Variants in INVS observed in about 807,000 individuals in gnomAD.
INVS encodes inversin, also known as inversion of embryo turning homolog.
In INVS, 86 loss-of-function variants were observed where a neutral mutation model predicts 108.8. The ratio of observed to expected loss-of-function variants is 0.79; its 90% CI spans 0.66 to 0.95. The LOEUF is 0.95. INVS is among the 40% of genes least tolerant of loss of function. The probability of loss-of-function intolerance (pLI) is 0.00; values close to 1 mark genes in which losing one functional copy is unlikely to be tolerated. For synonymous variants in INVS, 455 were observed against 473.5 expected, an observed-to-expected ratio of 0.96 and a Z score of 0.51; for missense variants, 1,169 against 1,297.4, an observed-to-expected ratio of 0.90 and a Z score of 1.52.
At position 100,292,175 on chromosome 9, in the gene INVS, G is replaced by A. The variant is rs1833638015; in HGVS notation, c.2069-151G>A. ...GGTTATCTAACCTACCATATTGCTG[G>A]AAATAGAAGTTAAACCGTTTTTTTC... On this transcript the variant is annotated intron_variant, in intron 13 of 16. Transcript: ENST00000262457. The A allele has an allele frequency of 5.1e-5, 38 of 739,356 alleles. No homozygotes were observed. The South Asian group carries it at 5.8e-4, about 11-fold the overall frequency. 45.8% of individuals were successfully genotyped at this position (739,356 alleles called of 1,614,324 possible).
intron 11 of INVS, 140 bp from the exon 12 acceptor site, chr9:100,272,724 A>C: frequency 2.6e-6 from 2 of 775,764 alleles, no homozygotes; most frequent in Non-Finnish European, 4.3e-6. Flanking sequence ...GCCCTGTTAT[A>C]GAGAAGGTGG....
chr9:100,188,567 G>C (rs1326647398), intron 3 of INVS, among the ~76,000 whole-genome samples: 1 of 151,000 alleles, frequency 6.6e-6, no homozygotes, highest in Non-Finnish European at 1.5e-5. Context: ...GTTGGATTCA[G>C]TTTGCTGGTA....
chr9:100,194,519 C>T (rs192177865), intron 3 of INVS, among the ~76,000 whole-genome samples: 24 of 150,702 alleles, frequency 1.6e-4, no homozygotes, highest in African/African-American at 5.4e-4. Flanking sequence ...TTTTTCAAAT[C>T]TTTATGCCCT....
intron 8 of INVS, 95 bp from the exon 9 acceptor site, chr9:100,252,188 A>G: frequency 7.3e-7 from 1 of 1,365,844 alleles, no homozygotes; most frequent in Non-Finnish European, 1.0e-6. Context: ...TTTATTCAAA[A>G]TGATGGGGAA....
At chr9:100,112,190 T>G (rs1827357770) in intron 2 of INVS, among the ~76,000 whole-genome samples, 1 of 152,186 alleles carries the variant, frequency 6.6e-6, no homozygotes, top group Admixed American at 6.5e-5. Context: ...CAGACTGGTC[T>G]CGAACTCCTG....
intron 5 of INVS, among the ~76,000 whole-genome samples, chr9:100,232,533 A>C (rs1831546050): frequency 6.6e-6 from 1 of 152,164 alleles, no homozygotes; most frequent in Admixed American, 6.5e-5. Context: ...TTTTTGTATA[A>C]GGTGTAAGGA....
intron 3 of INVS, among the ~76,000 whole-genome samples, chr9:100,172,472 ATAC>A (rs1297862624): frequency 3.9e-5 from 6 of 152,194 alleles, no homozygotes; most frequent in Non-Finnish European, 8.8e-5. Context: ...ATGTTTAAAA[ATAC>A]TACTACTTCT....
rs145367866 is a variant in INVS, at chr9:100,182,138, G to A, written c.274-43924G>A. On this transcript the variant is annotated intron_variant, in intron 3 of 16. Coordinates refer to ENST00000262457, the MANE Select transcript of INVS (RefSeq NM_014425.5). ...CTCAAGATGGATTAAAGACTTAAAC[G>A]TAAGACCTAAAACCATAAAAACGCT... 2.2e-3 allele frequency among the ~76,000 whole-genome samples: 340 copies of A among 152,204 alleles called. 1 individual carries two copies. Among genetic ancestry groups the A allele is most frequent in the African/African-American group, 5.8e-3 (240 of 41,544 alleles).
At chr9:100,276,830 G>T (rs1221739768) in intron 12 of INVS, among the ~76,000 whole-genome samples, 1 of 152,116 alleles carries the variant, frequency 6.6e-6, no homozygotes, top group African/African-American at 2.4e-5. Context: ...ACCAGCCATG[G>T]TGCTCTGTAA....
At chr9:100,228,163 G>T (rs1273340059) in intron 4 of INVS, among the ~76,000 whole-genome samples, 1 of 151,722 alleles carries the variant, frequency 6.6e-6, no homozygotes, top group Non-Finnish European at 1.5e-5. Flanking sequence ...ACTAATTTTT[G>T]TATTTTTAGT....
rs1564197221 is a variant in INVS at position 100,300,654 on chromosome 9, AAAAAC to A, written c.3189_3193del (p.Lys1064LeufsTer15). 6.2e-7 allele frequency: 1 copy of A among 1,613,422 alleles called. No homozygotes were observed. The highest frequency in any genetic ancestry group is 1.7e-5 in the Admixed American group (1 of 60,020). On this transcript the variant is annotated frameshift_variant, in exon 17 of 17. Transcript: ENST00000262457. LOFTEE classifies it high-confidence loss of function. ...TAACCTGCAATCAGCTACTCAGCCA[AAAAAC>A]AAAACAAAACCTTGACTGCCTATGG...
intron 3 of INVS, among the ~76,000 whole-genome samples, chr9:100,180,931 A>G (rs936999822): frequency 2.6e-5 from 4 of 152,178 alleles, no homozygotes; most frequent in Admixed American, 2.0e-4. Context: ...CTTATCCACC[A>G]TGATCAAGTC....
rs1272221197 is a variant in INVS at position 100,248,434 on chromosome 9, T to C, written c.1078+1647T>C. Among the ~76,000 whole-genome samples the C allele has an allele frequency of 1.3e-5, 2 of 152,054 alleles. 1 individual carries two copies. Among genetic ancestry groups the C allele is most frequent in the Admixed American group, 1.3e-4 (2 of 15,264 alleles). ...AGAGATGCCTTCCTGACATTTCTTT[T>C]CTGTGAAAGTGAGTTCCTCTCCGTC... On this transcript the variant is annotated intron_variant, in intron 8 of 16. Coordinates refer to ENST00000262457, the MANE Select transcript of INVS (RefSeq NM_014425.5).
rs574576357 is a variant in INVS at position 100,234,977 on chromosome 9, C to T, written c.616-5083C>T. 3.3e-4 allele frequency among the ~76,000 whole-genome samples: 50 copies of T among 152,200 alleles called. No individual in the cohort carries two copies. In the South Asian group the frequency reaches 1.0e-2, roughly 30 times the overall value. On this transcript the variant is annotated intron_variant, in intron 5 of 16. Transcript: ENST00000262457. ...TTGACAGTGGGGTGTTAAAGTATCC[C>T]ACTATTATTGTGTGGGAGTGTAAGT...
chr9:100,229,231 G>A (rs1388740705), intron 4 of INVS, among the ~76,000 whole-genome samples: 1 of 152,168 alleles, frequency 6.6e-6, no homozygotes, highest in African/African-American at 2.4e-5. Flanking sequence ...ATAATTTTGA[G>A]CTTTGGGGCC....
intron 3 of INVS, among the ~76,000 whole-genome samples, chr9:100,163,600 A>G (rs1829263136): frequency 6.6e-6 from 1 of 152,202 alleles, no homozygotes; most frequent in Admixed American, 6.5e-5. Context: ...GATACATGCT[A>G]TGGAAAAAAA....
At chr9:100,151,989 C>T (rs1174995643) in intron 3 of INVS, among the ~76,000 whole-genome samples, 1 of 152,186 alleles carries the variant, frequency 6.6e-6, no homozygotes, top group African/African-American at 2.4e-5. Context: ...TAAACTACGT[C>T]CTATATTAAT....
At chr9:100,126,684 A>G in intron 3 of INVS, 135 bp downstream of exon 3, 1 of 877,882 alleles carries the variant, frequency 1.1e-6, no homozygotes, top group Non-Finnish European at 1.8e-6. Flanking sequence ...TTTCTCTAAA[A>G]GCTGTCTTTA....
Position 100,229,842 on chromosome 9 carries a change from A to G in INVS, c.615+15A>G. The G allele has an allele frequency of 1.2e-6, 2 of 1,613,588 alleles. No individual in the cohort carries two copies. ...GATGCATTCTGGTGAGTTGAATGGT[A>G]CTGCTAGACCTGAATGGCCTTGAAA... On this transcript the variant is annotated intron_variant, in intron 5 of 16. Transcript: ENST00000262457.
Sources: gnomAD v4.1 joint callset for allele counts (sites outside exome capture counted in the v4.1 genomes callset) on GRCh38, gnomAD v4.1.1 for gene constraint, MANE v1.5 for transcripts, NCBI Gene and HGNC (gene_info 2026-07-23, HGNC 2026-07-21) for gene names.